The following LGI2 variants were observed in gnomAD, a reference collection of about 807,000 sequenced individuals.
LGI2 encodes the protein leucine rich repeat LGI family member 2.
In LGI2, 30 loss-of-function variants were observed where a neutral mutation model predicts 52.0. The observed-to-expected ratio is 0.58, with a 90% CI of 0.43 to 0.78. The LOEUF (loss-of-function observed/expected upper bound fraction) is 0.78. LGI2 is among the 30% of genes least tolerant of loss of function. LGI2 has a pLI of 0.00. For missense variants in LGI2, 573 were observed against 692.5 expected (o/e 0.83, Z 1.94); for synonymous variants, 270 against 271.8 (o/e 0.99, Z 0.06).
downstream of LGI2, among the ~76,000 whole-genome samples, chr4:24,994,358 G>A (rs1465669367): frequency 6.6e-6 from 1 of 152,166 alleles, no homozygotes; most frequent in Non-Finnish European, 1.5e-5. Flanking sequence ...GATAAGAAGG[G>A]TTGCCTTGTC....
Position 25,024,242 on chromosome 4 carries a change from G to A in LGI2, c.413+578C>T, listed in dbSNP as rs568220876. ...AATGATTTCCTTCCTGGCTGGGTGCGGTGGCTCACGCCTGTAATCCCAGCA... is the reference window on the plus strand; with the variant it reads ...AATGATTTCCTTCCTGGCTGGGTGCAGTGGCTCACGCCTGTAATCCCAGCA... On this transcript the variant is annotated intron_variant, in intron 4 of 7. Coordinates refer to ENST00000382114, the MANE Select transcript of LGI2 (RefSeq NM_018176.4). 9.2e-5 allele frequency among the ~76,000 whole-genome samples: 14 copies of A among 152,264 alleles called. No homozygotes were observed. In the South Asian group the frequency reaches 1.5e-3, roughly 16 times the overall value.
chr4:25,000,493 A>T lies in LGI2; in HGVS notation c.*2958T>A, dbSNP rs1725204179. ...GCTTTGCTAAATGTAAGGTGGCCTTATCATCCACTGTCCAATAACACAGTG... is the reference window on the plus strand; with the variant it reads ...GCTTTGCTAAATGTAAGGTGGCCTTTTCATCCACTGTCCAATAACACAGTG... On this transcript the variant is annotated 3_prime_UTR_variant, in exon 8 of 8. Transcript: ENST00000382114. 6.6e-6 allele frequency: 1 copy of T among 152,296 alleles called. No homozygotes were observed. The highest frequency in any genetic ancestry group is 1.9e-4 in the East Asian group (1 of 5,204). The allele number at this position is 152,296 out of a possible 1,614,324, so 9.4% of individuals were successfully genotyped here.
intron 4 of LGI2, among the ~76,000 whole-genome samples, chr4:25,021,217 C>A (rs992446972): frequency 2.0e-5 from 3 of 152,116 alleles, no homozygotes; most frequent in African/African-American, 7.2e-5. Flanking sequence ...AAGTGCTTAA[C>A]ACCTGCCTTT....
intron 4 of LGI2, among the ~76,000 whole-genome samples, chr4:25,024,170 C>T (rs1384106026): frequency 6.6e-6 from 1 of 152,170 alleles, no homozygotes; most frequent in Admixed American, 6.5e-5. Context: ...AGAAGGCTCA[C>T]TAAGCACCCA....
intron 4 of LGI2, 57 bp downstream of exon 4, chr4:25,024,763 G>T: frequency 1.6e-6 from 2 of 1,213,008 alleles, no homozygotes; most frequent in Non-Finnish European, 2.3e-6. Context: ...AGAGGCTCCA[G>T]GAAACCAATC....
downstream of LGI2, among the ~76,000 whole-genome samples, chr4:24,998,358 G>T (rs1045642676): frequency 6.6e-6 from 1 of 152,122 alleles, no homozygotes; most frequent in Non-Finnish European, 1.5e-5. Flanking sequence ...TATGTGATTT[G>T]GTTTCTGAGC....
downstream of LGI2, among the ~76,000 whole-genome samples, chr4:24,997,415 G>C (rs1025341626): frequency 6.6e-6 from 1 of 152,144 alleles, no homozygotes; most frequent in African/African-American, 2.4e-5. Flanking sequence ...TTTCTGACTT[G>C]CAGGTTTGAA....
chr4:25,015,828 G>A (rs908683336), intron 6 of LGI2, among the ~76,000 whole-genome samples: 3 of 152,152 alleles, frequency 2.0e-5, no homozygotes, highest in Non-Finnish European at 2.9e-5. Context: ...ACACAGCGGG[G>A]CCTATGTTTG....
intron 4 of LGI2, among the ~76,000 whole-genome samples, chr4:25,020,843 C>A (rs1725934495): frequency 1.3e-5 from 2 of 152,090 alleles, no homozygotes; most frequent in African/African-American, 2.4e-5. Flanking sequence ...TTTTACCTTT[C>A]TTTTCTAAAT....
Position 25,019,188 on chromosome 4 carries a change from T to A in LGI2, c.464A>T (p.Asp155Val), listed in dbSNP as rs1194406491. 6.2e-7 allele frequency: 1 copy of A among 1,607,190 alleles called. No individual in the cohort carries two copies. Among genetic ancestry groups the A allele is most frequent in the Non-Finnish European group, 8.5e-7 (1 of 1,175,488 alleles). ...TTACAGTTCAATCAGAGAGTCTAAA[T>A]CACTGAAGACATCCCTTGGTAGTGC... ...IKALPRDVFS[D>V]LDSLIELDLR... Residue 155 changes from aspartate (D) to valine (V), a missense_variant, in exon 5 of 8, where the codon GAT (aspartate) becomes GTT (valine). Asp to Val is a radical substitution (Grantham distance 152). Transcript: ENST00000382114.
intron 3 of LGI2, among the ~76,000 whole-genome samples, chr4:25,025,499 T>A (rs1489116725): frequency 1.3e-5 from 2 of 152,096 alleles, no homozygotes; most frequent in Non-Finnish European, 2.9e-5. Context: ...TGAAGTTGAG[T>A]AGGAACCAAA....
chr4:25,011,129 T>C (rs1274930439), intron 7 of LGI2, among the ~76,000 whole-genome samples: 2 of 151,020 alleles, frequency 1.3e-5, no homozygotes, highest in African/African-American at 2.4e-5. Context: ...ACAGCAAAGC[T>C]TCACTCTGTT....
At chr4:25,005,931 G>A (rs1329315566) in intron 7 of LGI2, among the ~76,000 whole-genome samples, 3 of 152,212 alleles carry the variant, frequency 2.0e-5, no homozygotes, top group Admixed American at 6.5e-5. Flanking sequence ...TGAAGATGCT[G>A]CCAGCACTGA....
chr4:25,006,808 T>G (rs1342405982), intron 7 of LGI2, among the ~76,000 whole-genome samples: 1 of 152,212 alleles, frequency 6.6e-6, no homozygotes, highest in Non-Finnish European at 1.5e-5. Flanking sequence ...AGTAATTTAT[T>G]AAAAGTCACA....
At chr4:25,017,069 T>C (rs976217993) in intron 6 of LGI2, among the ~76,000 whole-genome samples, 1 of 152,222 alleles carries the variant, frequency 6.6e-6, no homozygotes, top group African/African-American at 2.4e-5. Context: ...ATGTATAAAC[T>C]GAAAGTTTGT....
chr4:25,030,657 G>C lies in LGI2; in HGVS notation c.37C>G (p.Leu13Val), dbSNP rs1361492236. ...LRRGGCGALG[L>V]LLLLLGAACL... ...GCGGCGCCCAGCAGCAGCAGCAGCA[G>C]CCCGAGCGCTCCGCAGCCGCCTCTC... The change falls in exon 1 of 8, where the codon CTG becomes GTG. Residue 13 changes from leucine to valine, a missense_variant. By Grantham distance (32) the Leu-to-Val change is conservative. Coordinates refer to ENST00000382114, the MANE Select transcript of LGI2 (RefSeq NM_018176.4). 3 of 1,529,184 alleles carry C rather than the reference G, an allele frequency of 2.0e-6. No individual in the cohort carries two copies. The highest frequency in any genetic ancestry group is 2.6e-6 in the Non-Finnish European group (3 of 1,139,950). The allele number at this position is 1,529,184 out of a possible 1,614,324, so 94.7% of individuals were successfully genotyped here. A position where few individuals can be genotyped will look rare whatever the true frequency, so the allele number is the denominator to read the frequency against.
At position 24,999,660 on chromosome 4, in the gene LGI2, A is replaced by G. The variant is rs1461675423; in HGVS notation, c.*3791T>C. ...ATAGACTCCCCTCCTGCAGATCTTC[A>G]TCTCACCTTCATTATACCCCAGGCC... On this transcript the variant is annotated 3_prime_UTR_variant, in exon 8 of 8. Coordinates refer to ENST00000382114, the MANE Select transcript of LGI2 (RefSeq NM_018176.4). 6.0e-6 allele frequency: 2 copies of G among 330,606 alleles called. No homozygotes were observed. The highest frequency in any genetic ancestry group is 2.3e-5 in the South Asian group (1 of 42,982). 20.5% of individuals were successfully genotyped at this position (330,606 alleles called of 1,614,324 possible).
intron 6 of LGI2, among the ~76,000 whole-genome samples, chr4:25,014,832 A>C (rs1725707721): frequency 4.8e-5 from 1 of 20,832 alleles, no homozygotes; most frequent in South Asian, 2.4e-3. Context: ...CCTTGTCTCA[A>C]AAAAAAAAAA....
chr4:25,030,826 G>A lies in LGI2; in HGVS notation c.-133C>T. The A allele has an allele frequency of 3.0e-6, 1 of 338,922 alleles. No individual in the cohort carries two copies. The highest frequency in any genetic ancestry group is 4.2e-6 in the Non-Finnish European group (1 of 236,376). The allele number at this position is 338,922 out of a possible 1,614,324, so 21.0% of individuals were successfully genotyped here. On this transcript the variant is annotated 5_prime_UTR_variant, in exon 1 of 8. Transcript: ENST00000382114. ...CTGCTGGCGAGGACTAGGGAGCCGC[G>A]GGTGTGGGAGGCCGAGCCGCAGCCG... is the stretch of plus-strand genomic sequence containing the variant.
Sources: gnomAD v4.1 joint callset for allele counts (sites outside exome capture counted in the v4.1 genomes callset) on GRCh38, gnomAD v4.1.1 for gene constraint, MANE v1.5 for transcripts, NCBI Gene and HGNC (gene_info 2026-07-23, HGNC 2026-07-21) for gene names.